Variants in HECW1 observed in about 807,000 individuals in gnomAD.
The protein encoded by HECW1 is E3 ubiquitin-protein ligase HECW1.
A neutral mutation model predicts 182.3 loss-of-function variants in HECW1; 61 were observed. The observed-to-expected ratio is 0.33, with a 90% CI of 0.27 to 0.41. The LOEUF is 0.41. Ranked by LOEUF, HECW1 falls within the 10% of genes least tolerant of loss-of-function variation. HECW1 has a pLI of 1.00. For synonymous variants in HECW1, 859 were observed against 832.6 expected (o/e 1.03, Z -0.55); for missense variants, 1,739 against 2,108.9 (o/e 0.82, Z 3.44).
At chr7:43,190,302 T>C (rs183174836) in intron 2 of HECW1, among the ~76,000 whole-genome samples, 352 of 152,200 alleles carry the variant, frequency 2.3e-3, no homozygotes, top group African/African-American at 8.1e-3. Context: ...TTAGTAGAGA[T>C]GGGGTTTTAC....
intron 2 of HECW1, among the ~76,000 whole-genome samples, chr7:43,131,204 G>A (rs1786879247): frequency 6.6e-6 from 1 of 152,202 alleles, no homozygotes; most frequent in Non-Finnish European, 1.5e-5. Flanking sequence ...AGCAGAGGTT[G>A]CGGTGAGCCG....
intron 6 of HECW1, among the ~76,000 whole-genome samples, chr7:43,387,686 C>T (rs1443800877): frequency 6.6e-6 from 1 of 152,204 alleles, no homozygotes; most frequent in South Asian, 2.1e-4. Context: ...CTCTTCTAAG[C>T]TGGACCAAAT....
intron 26 of HECW1, among the ~76,000 whole-genome samples, chr7:43,543,143 AT>A (rs2081423088): frequency 6.6e-6 from 1 of 152,248 alleles, no homozygotes; most frequent in Non-Finnish European, 1.5e-5. Context: ...GCCTGAGTAG[AT>A]TTAACAAACA....
In HECW1 at chr7:43,565,432, C is replaced by T. The variant is rs2082305271; in HGVS notation, c.*3506C>T. ...TATTACATCCATCATATTTTCAGTC[C>T]ATGTGTCAAACCATGTGTCCAAAAT... On this transcript the variant is annotated 3_prime_UTR_variant, in exon 30 of 30. Transcript: ENST00000395891. 2 of 198,896 alleles carry T rather than the reference C, an allele frequency of 1.0e-5. No individual in the cohort carries two copies. Among genetic ancestry groups the T allele is most frequent in the Non-Finnish European group, 2.1e-5 (2 of 96,364 alleles). 12.3% of individuals were successfully genotyped at this position (198,896 alleles called of 1,614,324 possible). A position where few individuals can be genotyped will look rare whatever the true frequency, so the allele number is the denominator to read the frequency against.
intron 6 of HECW1, among the ~76,000 whole-genome samples, chr7:43,366,124 A>C (rs1221788053): frequency 6.6e-6 from 1 of 151,966 alleles, no homozygotes; most frequent in African/African-American, 2.4e-5. Context: ...AGAACAAAGA[A>C]CAAATTTAAA....
rs191143185 is a variant in HECW1, at chr7:43,561,042, G to A, written c.4710-773G>A. On this transcript the variant is annotated intron_variant, in intron 29 of 29. Coordinates refer to ENST00000395891, the MANE Select transcript of HECW1 (RefSeq NM_015052.5). ...GGAGCAGCTAGTCAGGTGATTCAAG[G>A]CTCCACAGCAGGGAATCTATGTGTG... 3.7e-3 allele frequency among the ~76,000 whole-genome samples: 561 copies of A among 152,334 alleles called. 5 individuals carry two copies. Among genetic ancestry groups the A allele is most frequent in the Middle Eastern group, 0.017 (5 of 294 alleles).
At chr7:43,547,355 T>C (rs1181783393) in intron 26 of HECW1, among the ~76,000 whole-genome samples, 1 of 152,120 alleles carries the variant, frequency 6.6e-6, no homozygotes, top group African/African-American at 2.4e-5. Context: ...GAGACCATCC[T>C]GGCCAACATA....
At chr7:43,142,217 A>T (rs1255812404) in intron 2 of HECW1, among the ~76,000 whole-genome samples, 3 of 152,144 alleles carry the variant, frequency 2.0e-5, no homozygotes, top group African/African-American at 7.2e-5. Flanking sequence ...TTAAACCTGC[A>T]GATTCTGAAC....
At chr7:43,472,132 C>G (rs1325336128) in intron 16 of HECW1, among the ~76,000 whole-genome samples, 1 of 152,074 alleles carries the variant, frequency 6.6e-6, no homozygotes, top group African/African-American at 2.4e-5. Flanking sequence ...CAGAGCAGCA[C>G]TGATGCTATG....
chr7:43,495,494 T>C (rs1201047243), intron 19 of HECW1, among the ~76,000 whole-genome samples: 1 of 152,244 alleles, frequency 6.6e-6, no homozygotes, highest in Non-Finnish European at 1.5e-5. Flanking sequence ...CATTTACTTG[T>C]GTCTCCCTAC....
At chr7:43,386,557 C>T (rs1207915164) in intron 6 of HECW1, among the ~76,000 whole-genome samples, 2 of 152,202 alleles carry the variant, frequency 1.3e-5, no homozygotes, top group African/African-American at 4.8e-5. Flanking sequence ...CAACACTTGC[C>T]CCTAGATCCA....
intron 2 of HECW1, among the ~76,000 whole-genome samples, chr7:43,212,692 T>C (rs1217561202): frequency 6.6e-6 from 1 of 152,236 alleles, no homozygotes; most frequent in African/African-American, 2.4e-5. Context: ...TGGATAAATA[T>C]ATTAGATCTT....
At chr7:43,301,675 C>T (rs926113356) in intron 3 of HECW1, among the ~76,000 whole-genome samples, 1 of 152,144 alleles carries the variant, frequency 6.6e-6, no homozygotes, top group Non-Finnish European at 1.5e-5. Context: ...GAGTTCAAGA[C>T]CAGCCTGGCC....
rs190631012 is a variant in HECW1 at position 43,359,999 on chromosome 7, A to C, written c.461-887A>C. ...AGGAAAAGGACTGATGTTGTCATTT[A>C]GTCATCACATCATCACAATCACTAA... On this transcript the variant is annotated intron_variant, in intron 5 of 29. Transcript: ENST00000395891. Among the ~76,000 whole-genome samples, 282 of 152,344 alleles carry C rather than the reference A, an allele frequency of 1.9e-3. 5 individuals are homozygous for C. The highest frequency in any genetic ancestry group is 0.018 in the Admixed American group (278 of 15,302).
rs192111579 is a variant in HECW1 at position 43,498,070 on chromosome 7, G to A, written c.3438-2629G>A. 5.1e-4 allele frequency among the ~76,000 whole-genome samples: 78 copies of A among 152,318 alleles called. 1 individual carries two copies. The highest frequency in any genetic ancestry group is 1.9e-3 in the African/African-American group (77 of 41,578). On this transcript the variant is annotated intron_variant, in intron 19 of 29. Coordinates refer to ENST00000395891, the MANE Select transcript of HECW1 (RefSeq NM_015052.5). ...TTCTTGCCCTTAGATGGCTTCCTCA[G>A]TTCTCAGTGCACTTTGGGATGGAGT...
Position 43,519,958 on chromosome 7 carries a change from C to T in HECW1, c.4019+10837C>T, listed in dbSNP as rs184166833. The stretch of plus-strand genomic sequence containing the variant: ...TCAATATGTGTCACAGGAGATGAGC[C>T]GAGGTAACAGGAGCCAGCCATGCCA... On this transcript the variant is annotated intron_variant, in intron 24 of 29. Coordinates refer to ENST00000395891, the MANE Select transcript of HECW1 (RefSeq NM_015052.5). Among the ~76,000 whole-genome samples, 14 of 152,092 alleles carry T rather than the reference C, an allele frequency of 9.2e-5. No homozygotes were observed. In the East Asian group the frequency reaches 1.5e-3, roughly 17 times the overall value.
intron 3 of HECW1, among the ~76,000 whole-genome samples, chr7:43,305,676 C>T (rs1376994194): frequency 6.6e-6 from 1 of 151,990 alleles, no homozygotes; most frequent in East Asian, 1.9e-4. Flanking sequence ...TCTCGGCTCA[C>T]TGCAACCTCC....
chr7:43,125,251 C>G (rs1282609699), intron 2 of HECW1, among the ~76,000 whole-genome samples: 2 of 152,038 alleles, frequency 1.3e-5, no homozygotes, highest in Non-Finnish European at 2.9e-5. Flanking sequence ...TTCCAACATG[C>G]GAATTTGAGG....
intron 24 of HECW1, among the ~76,000 whole-genome samples, chr7:43,512,669 C>T (rs1448618737): frequency 6.6e-6 from 1 of 152,198 alleles, no homozygotes; most frequent in Non-Finnish European, 1.5e-5. Context: ...AGAATTATTA[C>T]TGCTTAACAT....
Sources: gnomAD v4.1 joint callset for allele counts (sites outside exome capture counted in the v4.1 genomes callset) on GRCh38, gnomAD v4.1.1 for gene constraint, MANE v1.5 for transcripts, NCBI Gene and HGNC (gene_info 2026-07-23, HGNC 2026-07-21) for gene names.